Variants in MROH7 observed in about 807,000 individuals in gnomAD.
MROH7 encodes the protein maestro heat like repeat family member 7, also known as maestro heat-like repeat-containing protein family member 7.
MROH7 carries 113 observed loss-of-function variants against 129.2 expected under a neutral mutation model. The ratio of observed to expected loss-of-function variants is 0.87; its 90% confidence interval spans 0.75 to 1.02. The LOEUF (loss-of-function observed/expected upper bound fraction) is 1.02. Ranked by LOEUF, MROH7 falls within the 50% of genes least tolerant of loss-of-function variation. The probability of loss-of-function intolerance (pLI) is 0.00; values close to 1 mark genes in which losing one functional copy is unlikely to be tolerated. For missense variants in MROH7, 1,601 were observed against 1,671.3 expected (o/e 0.96, Z 0.73); for synonymous variants, 655 against 667.9 (o/e 0.98, Z 0.30).
At chr1:54,699,752 T>C (rs1645402287) in intron 17 of MROH7, 1 of 298,398 alleles carries the variant, frequency 3.4e-6, no homozygotes, top group East Asian at 5.8e-5. Flanking sequence ...GGGAGGCAGA[T>C]GGAGGCACTG....
At position 54,701,237 on chromosome 1, in the gene MROH7, C is replaced by T; in HGVS notation, c.3200C>T (p.Ala1067Val). 1.2e-6 allele frequency: 2 copies of T among 1,614,160 alleles called. No homozygotes were observed. Among genetic ancestry groups the T allele is most frequent in the Non-Finnish European group, 8.5e-7 (1 of 1,179,970 alleles). The change falls in exon 19 of 24, where the codon GCT becomes GTT. Residue 1067 changes from alanine (A) to valine (V), a missense_variant. Transcript: ENST00000421030. ...LVVEAVHNLK[A>V]VFKGRDQKLM... ...GTGGAAGCGGTCCACAACCTCAAGG[C>T]TGTCTTCAAGGGGCGGGACCAGAAG...
chr1:54,694,959 T>C (rs1645297286), intron 16 of MROH7, among the ~76,000 whole-genome samples: 1 of 152,186 alleles, frequency 6.6e-6, no homozygotes, highest in Non-Finnish European at 1.5e-5. Flanking sequence ...TTTCCTCATC[T>C]ATGAAATGGG....
At position 54,653,741 on chromosome 1, in the gene MROH7, C is replaced by T; in HGVS notation, c.815C>T (p.Ser272Leu). ...GAFSTTWSTS[S>L]KETMNVASSG... The stretch of plus-strand genomic sequence containing the variant: ...TTTAGTACCACCTGGAGCACAAGTT[C>T]AAAGGAAACCATGAATGTGGCTTCC... The change falls in exon 3 of 24, where the codon TCA becomes TTA. Residue 272 changes from serine to leucine, a missense_variant. Physicochemically the swap from Ser to Leu is moderately radical, Grantham distance 145 (BLOSUM62 -2). Coordinates refer to ENST00000421030, the MANE Select transcript of MROH7 (RefSeq NM_001039464.4). 1 of 1,614,190 alleles carries T rather than the reference C, an allele frequency of 6.2e-7. No homozygotes were observed. Among genetic ancestry groups the T allele is most frequent in the Non-Finnish European group, 8.5e-7 (1 of 1,180,046 alleles).
intron 3 of MROH7, chr1:54,663,800 G>C (rs1644771009): frequency 4.4e-6 from 2 of 453,922 alleles, no homozygotes; most frequent in South Asian, 3.1e-5. Flanking sequence ...TTGAGTCCTG[G>C]AATCGACCTT....
At chr1:54,686,233 C>T in intron 14 of MROH7, 25 bp from the exon 15 acceptor site, 1 of 1,591,718 alleles carries the variant, frequency 6.3e-7, no homozygotes, top group Non-Finnish European at 8.6e-7. Flanking sequence ...CACGACATCC[C>T]AGCAGCCTCC....
At chr1:54,679,560 C>A (rs1645036244) in intron 12 of MROH7, 121 bp downstream of exon 12, 1 of 1,129,146 alleles carries the variant, frequency 8.9e-7, no homozygotes, top group Non-Finnish European at 1.3e-6. Context: ...ACCCCCTAAG[C>A]CATGGGGCAG....
intron 3 of MROH7, among the ~76,000 whole-genome samples, chr1:54,662,706 C>T (rs1341901055): frequency 1.3e-5 from 2 of 152,070 alleles, no homozygotes; most frequent in Non-Finnish European, 2.9e-5. Flanking sequence ...TACACAGCTA[C>T]CATATAATCC....
intron 2 of MROH7, among the ~76,000 whole-genome samples, chr1:54,652,531 C>T (rs758103630): frequency 1.6e-4 from 25 of 152,294 alleles, no homozygotes; most frequent in Middle Eastern, 3.4e-3. Flanking sequence ...TAAATGAATT[C>T]ACTGGAATGA....
chr1:54,658,357 C>T (rs564424339), intron 3 of MROH7, among the ~76,000 whole-genome samples: 19 of 152,238 alleles, frequency 1.2e-4, no homozygotes, highest in African/African-American at 4.1e-4. Context: ...ATGCCAGTAC[C>T]GTGCTGTTTT....
chr1:54,702,251 T>G lies in MROH7; in HGVS notation c.3441+6T>G. On this transcript the variant is annotated splice_donor_region_variant and intron_variant, in intron 20 of 23. Coordinates refer to ENST00000421030, the MANE Select transcript of MROH7 (RefSeq NM_001039464.4). ...GCAACTCCAAGGTAAGCCAGGTGAG[T>G]GTGCGTGGGCCCTGCACCCTCTACC... 6.6e-7 allele frequency: 1 copy of G among 1,513,866 alleles called. No individual in the cohort carries two copies. The highest frequency in any genetic ancestry group is 8.9e-7 in the Non-Finnish European group (1 of 1,126,370). The allele number at this position is 1,513,866 out of a possible 1,614,324, so 93.8% of individuals were successfully genotyped here.
chr1:54,709,807 T>C, intron 23 of MROH7, 139 bp from the exon 24 acceptor site: 11 of 1,040,564 alleles, frequency 1.1e-5, no homozygotes, highest in Non-Finnish European at 1.6e-5. Context: ...ATAATTTGAA[T>C]TGCCAGGAGG....
chr1:54,701,200 G>A lies in MROH7; in HGVS notation c.3163G>A (p.Gly1055Arg). 2.5e-6 allele frequency: 4 copies of A among 1,614,236 alleles called. No individual in the cohort carries two copies. Among genetic ancestry groups the A allele is most frequent in the Non-Finnish European group, 3.4e-6 (4 of 1,180,034 alleles). The change falls in exon 19 of 24, where the codon GGG becomes AGG. Residue 1055 changes from glycine to arginine, a missense_variant. Transcript: ENST00000421030. ...SMVKGLKNMD[G>R]MLVVEAVHNL... ...GGTGAAGGGCCTGAAGAACATGGAT[G>A]GGATGCTGGTGGTGGAAGCGGTCCA...
At chr1:54,679,163 T>G in intron 11 of MROH7, 100 bp from the exon 12 acceptor site, 6 of 1,199,662 alleles carry the variant, frequency 5.0e-6, no homozygotes, top group Non-Finnish European at 7.4e-6. Flanking sequence ...GACCTCTGCA[T>G]GTGGGCGTCA....
At position 54,710,002 on chromosome 1, in the gene MROH7, G is replaced by A. The variant is rs1645598132; in HGVS notation, c.3787G>A (p.Val1263Ile). The part of the protein sequence containing the change: ...EASVCIYAAQ[V>I]QDHILASCWQ... ...ATCAGTGTGCATCTACGCAGCCCAG[G>A]TCCAGGACCACATCCTGGCCAGCTG... Residue 1263 changes from valine to isoleucine, a missense_variant, in exon 24 of 24, where the codon GTC (valine) becomes ATC (isoleucine). Coordinates refer to ENST00000421030, the MANE Select transcript of MROH7 (RefSeq NM_001039464.4). 6.2e-7 allele frequency: 1 copy of A among 1,614,110 alleles called. No homozygotes were observed. Among genetic ancestry groups the A allele is most frequent in the African/African-American group, 1.3e-5 (1 of 75,018 alleles).
At chr1:54,650,249 T>C (rs1473518148) in intron 1 of MROH7, among the ~76,000 whole-genome samples, 1 of 152,210 alleles carries the variant, frequency 6.6e-6, no homozygotes, top group Non-Finnish European at 1.5e-5. Flanking sequence ...GGGAAAAGTC[T>C]CTTGCCCATG....
chr1:54,663,164 T>C (rs1216001385), intron 3 of MROH7, among the ~76,000 whole-genome samples: 1 of 152,220 alleles, frequency 6.6e-6, no homozygotes, highest in Non-Finnish European at 1.5e-5. Flanking sequence ...TATGTGAATA[T>C]CCCATTCCTC....
chr1:54,704,154 T>C (rs1280558211), intron 21 of MROH7, among the ~76,000 whole-genome samples: 1 of 152,220 alleles, frequency 6.6e-6, no homozygotes, highest in African/African-American at 2.4e-5. Context: ...TTATCAGTAA[T>C]GCTCAAAGCC....
chr1:54,665,334 ATGCCTC>A, intron 4 of MROH7, 94 bp downstream of exon 4: 1 of 864,508 alleles, frequency 1.2e-6, no homozygotes, highest in Non-Finnish European at 1.9e-6. Context: ...CGCATTCCCC[ATGCCTC>A]TGCCCAGCTC....
chr1:54,679,504 C>T, intron 12 of MROH7, 65 bp downstream of exon 12: 1 of 1,532,496 alleles, frequency 6.5e-7, no homozygotes, highest in Non-Finnish European at 8.9e-7. Context: ...CCATGGCCTG[C>T]TCATCACTGG....
Sources: allele counts gnomAD v4.1 joint callset (sites outside exome capture counted in the v4.1 genomes callset), GRCh38; gene constraint gnomAD v4.1.1; transcripts MANE v1.5; gene names NCBI Gene and HGNC (gene_info 2026-07-23, HGNC 2026-07-21).